Variants in GRIK4 observed in about 807,000 individuals in gnomAD.
GRIK4 encodes glutamate receptor ionotropic, kainate 4.
In GRIK4, 40 loss-of-function variants were observed where a neutral mutation model predicts 104.9. The observed-to-expected ratio is 0.38, with a 90% CI of 0.30 to 0.50. The LOEUF (loss-of-function observed/expected upper bound fraction) is 0.50. Ranked by LOEUF, GRIK4 falls within the 20% of genes least tolerant of loss-of-function variation. The pLI is 0.93. For missense variants in GRIK4, 1,047 were observed against 1,308.1 expected, an observed-to-expected ratio of 0.80 and a Z score of 3.08; for synonymous variants, 485 against 524.9, an observed-to-expected ratio of 0.92 and a Z score of 1.04.
chr11:120,960,153 A>G (rs770551515), intron 16 of GRIK4, among the ~76,000 whole-genome samples: 7 of 152,142 alleles, frequency 4.6e-5, no homozygotes, highest in Non-Finnish European at 1.0e-4. Flanking sequence ...ACACAGTGAA[A>G]CCCCGTCTCT....
At chr11:120,973,016 C>T (rs1944501091) in intron 19 of GRIK4, among the ~76,000 whole-genome samples, 1 of 152,064 alleles carries the variant, frequency 6.6e-6, no homozygotes, top group Non-Finnish European at 1.5e-5. Context: ...ATCCCCACCC[C>T]AATACAATGA....
At chr11:120,598,452 C>T (rs1347807902) in intron 1 of GRIK4, among the ~76,000 whole-genome samples, 2 of 152,196 alleles carry the variant, frequency 1.3e-5, no homozygotes, top group Non-Finnish European at 2.9e-5. Flanking sequence ...GGAACCTGCC[C>T]ACCCCCTGAG....
intron 1 of GRIK4, among the ~76,000 whole-genome samples, chr11:120,602,700 ATCT>A (rs886481231): frequency 5.9e-5 from 9 of 152,092 alleles, no homozygotes; most frequent in South Asian, 2.1e-4. Flanking sequence ...TTTCGTTAGT[ATCT>A]TCTTCTTATT....
At chr11:120,807,164 T>G (rs1172789395) in intron 4 of GRIK4, among the ~76,000 whole-genome samples, 1 of 152,246 alleles carries the variant, frequency 6.6e-6, no homozygotes, top group African/African-American at 2.4e-5. Context: ...CTTCCTTCTT[T>G]CCCTTCCGTG....
intron 1 of GRIK4, among the ~76,000 whole-genome samples, chr11:120,580,269 C>G (rs201781752): frequency 1.8e-5 from 2 of 113,854 alleles, no homozygotes; most frequent in South Asian, 5.1e-4. Flanking sequence ...TTCTTTCTTT[C>G]CTTTCTTTCT....
rs1954753155 is a variant in GRIK4, at chr11:120,875,302, G to C, written c.1164+59G>C. The C allele has an allele frequency of 2.7e-6, 3 of 1,102,018 alleles. No individual in the cohort carries two copies. In the Admixed American group the frequency reaches 5.1e-5, roughly 19 times the overall value. 68.3% of individuals were successfully genotyped at this position (1,102,018 alleles called of 1,614,324 possible). On this transcript the variant is annotated intron_variant, in intron 11 of 20. Transcript: ENST00000527524. ...CTCCTCTCTGTTCCATTTCATTGAT[G>C]CCTCGGTGTTTTGGATGGCCTCCTG...
At chr11:120,779,665 A>T (rs1428319042) in intron 3 of GRIK4, among the ~76,000 whole-genome samples, 1 of 152,176 alleles carries the variant, frequency 6.6e-6, no homozygotes, top group Non-Finnish European at 1.5e-5. Flanking sequence ...AATAATAATA[A>T]TGCCCACCAT....
intron 3 of GRIK4, among the ~76,000 whole-genome samples, chr11:120,775,483 TC>T (rs1952025210): frequency 6.6e-6 from 1 of 152,182 alleles, no homozygotes; most frequent in African/African-American, 2.4e-5. Context: ...TATCTTAGGA[TC>T]TAACATGTTC....
chr11:120,527,013 C>T (rs1197742478), intron 1 of GRIK4, among the ~76,000 whole-genome samples: 1 of 152,188 alleles, frequency 6.6e-6, no homozygotes, highest in East Asian at 1.9e-4. Context: ...TCATTTAAAC[C>T]TCAACAACTC....
intron 9 of GRIK4, chr11:120,873,334 T>C (rs1954666510): frequency 6.6e-6 from 1 of 152,452 alleles, no homozygotes; most frequent in Non-Finnish European, 1.5e-5. Flanking sequence ...TCAGTTCCAA[T>C]GCAGCATCCT....
intron 6 of GRIK4, among the ~76,000 whole-genome samples, chr11:120,823,523 C>T (rs894931003): frequency 6.6e-6 from 1 of 152,236 alleles, no homozygotes; most frequent in Admixed American, 6.5e-5. Flanking sequence ...CCAGGTCGCA[C>T]AGCTGGTACG....
At chr11:120,924,593 G>A (rs1023127598) in intron 13 of GRIK4, among the ~76,000 whole-genome samples, 2 of 151,946 alleles carry the variant, frequency 1.3e-5, no homozygotes, top group Non-Finnish European at 2.9e-5. Context: ...CCTCTTTCCT[G>A]TTTCACTCTC....
chr11:120,880,537 C>T (rs1440754375), intron 11 of GRIK4, among the ~76,000 whole-genome samples: 1 of 152,172 alleles, frequency 6.6e-6, no homozygotes, highest in Non-Finnish European at 1.5e-5. Flanking sequence ...CTTCAAAGTC[C>T]AAGGTCTTTC....
At chr11:120,665,292 T>C (rs1456703923) in intron 3 of GRIK4, among the ~76,000 whole-genome samples, 1 of 152,130 alleles carries the variant, frequency 6.6e-6, no homozygotes, top group South Asian at 2.1e-4. Context: ...TAGCACATGA[T>C]TTGATTTATG....
chr11:120,869,649 C>G lies in GRIK4; in HGVS notation c.907-4417C>G, dbSNP rs1052297663. The G allele has an allele frequency of 3.9e-5, 6 of 152,448 alleles. No homozygotes were observed. In the Middle Eastern group the frequency reaches 0.014, roughly 343 times the overall value. 9.4% of individuals were successfully genotyped at this position (152,448 alleles called of 1,614,324 possible). ...CGTGTGGCAGGAACCAGCTGGGGGC[C>G]TGGTGGGAGGATGTGAGAAATGGCG... On this transcript the variant is annotated intron_variant, in intron 9 of 20. Coordinates refer to ENST00000527524, the MANE Select transcript of GRIK4 (RefSeq NM_014619.5).
rs189134644 is a variant in GRIK4, at chr11:120,749,955, C to T, written c.83-52738C>T. On this transcript the variant is annotated intron_variant, in intron 3 of 20. Transcript: ENST00000527524. ...TATGCAAGAACCATTTGTTAATGTG[C>T]TTTGTTAGCTGTGTGAGGGAGAGAA... 2.6e-3 allele frequency among the ~76,000 whole-genome samples: 392 copies of T among 152,252 alleles called. 1 individual carries two copies. Among genetic ancestry groups the T allele is most frequent in the Admixed American group, 5.0e-3 (76 of 15,284 alleles).
chr11:120,773,271 G>A (rs1951981501), intron 3 of GRIK4, among the ~76,000 whole-genome samples: 1 of 152,182 alleles, frequency 6.6e-6, no homozygotes, highest in South Asian at 2.1e-4. Context: ...CAAGAAGCTT[G>A]TCTAGCCCAG....
intron 1 of GRIK4, among the ~76,000 whole-genome samples, chr11:120,559,786 G>A (rs952888388): frequency 4.6e-5 from 7 of 152,086 alleles, no homozygotes; most frequent in Non-Finnish European, 8.8e-5. Context: ...CATTTTGTCA[G>A]TTGCCTCTTA....
At position 120,819,618 on chromosome 11, in the gene GRIK4, C is replaced by T. The variant is rs977728991; in HGVS notation, c.346-137C>T. 3 of 748,672 alleles carry T rather than the reference C, an allele frequency of 4.0e-6. No homozygotes were observed. Among genetic ancestry groups the T allele is most frequent in the Non-Finnish European group, 6.8e-6 (3 of 438,068 alleles). The allele number at this position is 748,672 out of a possible 1,614,324, so 46.4% of individuals were successfully genotyped here. ...TCCCACGGAGTGGGTGCCCTGGGAGCTCCTTCTCCCATTGGTGTCTGGCGA... is the reference window on the plus strand; with the variant it reads ...TCCCACGGAGTGGGTGCCCTGGGAGTTCCTTCTCCCATTGGTGTCTGGCGA... On this transcript the variant is annotated intron_variant, in intron 5 of 20. Coordinates refer to ENST00000527524, the MANE Select transcript of GRIK4 (RefSeq NM_014619.5). This position sits in a 1 kb window ranked among gnomAD's most constrained non-coding sequence, Gnocchi z 4.3.
Sources: allele counts gnomAD v4.1 joint callset (sites outside exome capture counted in the v4.1 genomes callset), GRCh38; gene constraint gnomAD v4.1.1; non-coding constraint Gnocchi (gnomAD v3.1); transcripts MANE v1.5; gene names NCBI Gene and HGNC (gene_info 2026-07-23, HGNC 2026-07-21).